ZNF320: variants seen among roughly 807,000 people sequenced by gnomAD.
ZNF320 encodes the protein zinc finger gene 320.
A neutral mutation model predicts 6.8 loss-of-function variants in ZNF320; 2 were observed. The ratio of observed to expected loss-of-function variants is 0.29; its 90% CI spans 0.12 to 0.93. ZNF320 has a LOEUF of 0.93. Among genes scored for constraint, ZNF320 ranks in the 40% least tolerant of loss-of-function variants. ZNF320 has a pLI of 0.55. For synonymous variants in ZNF320, 208 were observed against 203.2 expected (o/e 1.02, Z -0.20); for missense variants, 472 against 611.0 (o/e 0.77, Z 2.40).
rs1301476771 is a variant in ZNF320, at chr19:52,876,852, A to T, written c.*3744T>A. On this transcript the variant is annotated 3_prime_UTR_variant, in exon 6 of 6. Coordinates refer to ENST00000682928, the MANE Select transcript of ZNF320 (RefSeq NM_001351774.2). ...TTGGTCATGGTGGCTCATGGCTGTA[A>T]TCCCAGCACCTTGGGAGGCCAATAC... The T allele has an allele frequency of 6.6e-6, 1 of 151,230 alleles. No individual in the cohort carries two copies. Among genetic ancestry groups the T allele is most frequent in the East Asian group, 2.0e-4 (1 of 5,120 alleles). The allele number at this position is 151,230 out of a possible 1,614,324, so 9.4% of individuals were successfully genotyped here.
In ZNF320 at chr19:52,880,539, C is replaced by T; in HGVS notation, c.*57G>A. The stretch of plus-strand genomic sequence containing the variant: ...ATAAACAGTTTAATGTCGATTAATG[C>T]TTGAAATCAATGTTAAGTCAACTCA... On this transcript the variant is annotated 3_prime_UTR_variant, in exon 6 of 6. Coordinates refer to ENST00000682928, the MANE Select transcript of ZNF320 (RefSeq NM_001351774.2). 1.0e-5 allele frequency: 15 copies of T among 1,496,042 alleles called. No homozygotes were observed. The African/African-American group carries it at 1.1e-4, about 11-fold the overall frequency. The allele number at this position is 1,496,042 out of a possible 1,614,324, so 92.7% of individuals were successfully genotyped here.
At chr19:52,904,059 C>T in the ZNF320 span, among the ~76,000 whole-genome samples, 1 of 152,018 alleles carries the variant, frequency 6.6e-6, no homozygotes, top group Non-Finnish European at 1.5e-5. Flanking sequence ...GTGATCAGGC[C>T]ACGCTTCCAC....
upstream of ZNF320, among the ~76,000 whole-genome samples, chr19:52,898,410 C>G (rs533152650): frequency 3.3e-5 from 5 of 152,222 alleles, no homozygotes; most frequent in Admixed American, 6.5e-5. Flanking sequence ...CCGCTGAGCC[C>G]GGAGGTCCAG....
At chr19:52,889,984 C>T (rs1245248858) in intron 4 of ZNF320, among the ~76,000 whole-genome samples, 1 of 152,124 alleles carries the variant, frequency 6.6e-6, no homozygotes, top group Non-Finnish European at 1.5e-5. Flanking sequence ...ACCATGGGAC[C>T]CTCACCCCGT....
chr19:52,874,630 T>A (rs1207571537), downstream of ZNF320, among the ~76,000 whole-genome samples: 1 of 152,148 alleles, frequency 6.6e-6, no homozygotes, highest in East Asian at 1.9e-4. Context: ...GGCTCTGCTC[T>A]CCACTTGGGG....
At chr19:52,895,013 C>G (rs67792753) in intron 1 of ZNF320, 19,164 of 152,228 alleles carry the variant, frequency 0.13, 1,354 homozygotes, top group East Asian at 0.28. Flanking sequence ...CCAAAACAAT[C>G]CAGCCCATCG....
At position 52,867,983 on chromosome 19, in the gene ZNF320, A is replaced by G. The variant is rs374918546; in HGVS notation, c.224-3824T>C. Among the ~76,000 whole-genome samples the G allele has an allele frequency of 6.7e-3, 929 of 139,302 alleles. 9 individuals carry two copies. Among genetic ancestry groups the G allele is most frequent in the African/African-American group, 0.018 (706 of 39,182 alleles). The allele number at this position is 139,302 out of a possible 152,430, so 91.4% of individuals were successfully genotyped here. A position where few individuals can be genotyped will look rare whatever the true frequency, so the allele number is the denominator to read the frequency against. ...TGGTCTCAAACTCCTCACCTCAAGC[A>G]ATCTACCCCCATCAGCCTCCCAAAG... is the stretch of plus-strand genomic sequence containing the variant. On this transcript the variant is annotated intron_variant, in intron 5 of 5. Coordinates refer to the ZNF320 transcript ENST00000673631.
At chr19:52,897,719 A>C (rs2064518426), upstream of ZNF320, 1 of 148,658 alleles carries the variant, frequency 6.7e-6, no homozygotes, top group Non-Finnish European at 1.5e-5. Context: ...GACAGAGGCC[A>C]GGCCTGGGCG....
chr19:52,881,761 C>A lies in ZNF320; in HGVS notation c.365G>T (p.Ser122Ile), dbSNP rs190693440. 1.9e-5 allele frequency: 30 copies of A among 1,613,930 alleles called. No individual in the cohort carries two copies. In the East Asian group the frequency reaches 6.7e-4, roughly 36 times the overall value. Residue 122 changes from serine (S) to isoleucine (I), a missense_variant, in exon 6 of 6, where the codon AGT becomes ATT. This residue lies in a region of ZNF320 where 462 missense variants were observed against 559.7 expected (regional missense o/e 0.83). Transcript: ENST00000682928. The stretch of plus-strand genomic sequence containing the variant: ...ATGCCTTTGATCATATCGGTCTGTA[C>A]TACTAGTCAACTTTTTTATTTCTGT... ...PMTEIKKLTS[S>I]TDRYDQRHAG...
Position 52,881,835 on chromosome 19 carries a change from A to G in ZNF320, c.291T>C (p.Phe97=). 1 of 1,613,810 alleles carries G rather than the reference A, an allele frequency of 6.2e-7. No homozygotes were observed. Among genetic ancestry groups the G allele is most frequent in the Non-Finnish European group, 8.5e-7 (1 of 1,179,840 alleles). The part of the protein sequence containing the change: ...SQEIEKDIHD[F]VFQWQEDETN... The stretch of plus-strand genomic sequence containing the variant: ...TTTCATCTTCTTGCCACTGAAACAC[A>G]AAGTCATGAATGTCTTTCTCAATTT... The change falls in exon 6 of 6, where the codon TTT becomes TTC. Residue 97 remains phenylalanine, a synonymous_variant. Coordinates refer to ENST00000682928, the MANE Select transcript of ZNF320 (RefSeq NM_001351774.2).
chr19:52,895,025 T>C (rs2064429408), intron 1 of ZNF320: 1 of 152,246 alleles, frequency 6.6e-6, no homozygotes, highest in African/African-American at 2.4e-5. Flanking sequence ...AGCCCATCGT[T>C]CAACATCTGC....
At chr19:52,894,871 CAAACA>C (rs538728101) in intron 1 of ZNF320, 7 of 152,306 alleles carry the variant, frequency 4.6e-5, no homozygotes, top group South Asian at 4.1e-4. Context: ...GACTCCTTCT[CAAACA>C]AAACAAAACA....
rs2063906611 is a variant in ZNF320, at chr19:52,881,181, A to C, written c.945T>G (p.Thr315=). The C allele has an allele frequency of 3.1e-6, 5 of 1,613,824 alleles. No homozygotes were observed. The highest frequency in any genetic ancestry group is 4.2e-6 in the Non-Finnish European group (5 of 1,179,992). ...TGTGAACTCTACGATGTCCTGCAAG[A>C]GTTGCTCGTTGCTTAAAAACCTTGC... The part of the protein sequence containing the change: ...ECGKVFKQRA[T]LAGHRRVHTG... Residue 315 remains threonine (T), a synonymous_variant, in exon 6 of 6, where the codon ACT becomes ACG. Transcript: ENST00000682928.
intron 5 of ZNF320, among the ~76,000 whole-genome samples, chr19:52,882,863 C>T (rs189610669): frequency 6.3e-4 from 95 of 151,980 alleles, no homozygotes; most frequent in African/African-American, 2.2e-3. Context: ...ATCACTTGAA[C>T]TCGGGAGGCA....
chr19:52,885,128 G>A (rs2064034198), intron 5 of ZNF320, among the ~76,000 whole-genome samples: 2 of 152,184 alleles, frequency 1.3e-5, no homozygotes, highest in South Asian at 4.1e-4. Flanking sequence ...CTGGAATTTG[G>A]GAAGTGGAGG....
At chr19:52,883,949 A>G (rs967763595) in intron 5 of ZNF320, among the ~76,000 whole-genome samples, 2 of 152,134 alleles carry the variant, frequency 1.3e-5, no homozygotes, top group Non-Finnish European at 1.5e-5. Context: ...GCTTTGGTAG[A>G]TGTGGTATTC....
At chr19:52,904,280 G>T in the ZNF320 span, 1 of 152,242 alleles carries the variant, frequency 6.6e-6, no homozygotes, top group African/African-American at 2.4e-5. Context: ...AGAGTCCCCC[G>T]CGGGGATGCT....
chr19:52,903,197 C>A, the ZNF320 span, among the ~76,000 whole-genome samples: 1 of 152,144 alleles, frequency 6.6e-6, no homozygotes, highest in African/African-American at 2.4e-5. Context: ...TCTAAGGCTA[C>A]CAGATTAGAA....
downstream of ZNF320, among the ~76,000 whole-genome samples, chr19:52,875,370 G>A (rs2063747936): frequency 1.3e-5 from 2 of 152,308 alleles, no homozygotes; most frequent in South Asian, 4.1e-4. Flanking sequence ...CAGGGGACAT[G>A]GGTAGGTGGG....
Sources: allele counts gnomAD v4.1 joint callset (sites outside exome capture counted in the v4.1 genomes callset), GRCh38; gene constraint gnomAD v4.1.1; regional missense constraint gnomAD v4.1.1; transcripts MANE v1.5; gene names NCBI Gene and HGNC (gene_info 2026-07-23, HGNC 2026-07-21).